The following CNTN5 variants were observed in gnomAD, a reference collection of about 807,000 sequenced individuals.
CNTN5 encodes contactin 5.
CNTN5 carries 77 observed loss-of-function variants against 129.1 expected under a neutral mutation model. That is an observed-to-expected ratio of 0.60 (90% confidence interval 0.50 to 0.72). The LOEUF (loss-of-function observed/expected upper bound fraction) is 0.72. Ranked by LOEUF, CNTN5 falls within the 30% of genes least tolerant of loss-of-function variation. The pLI, the probability that CNTN5 is intolerant of heterozygous loss-of-function variation, is 0.00. For synonymous variants in CNTN5, 509 were observed against 465.6 expected, an observed-to-expected ratio of 1.09 and a Z score of -1.20; for missense variants, 1,478 against 1,328.8, an observed-to-expected ratio of 1.11 and a Z score of -1.75.
chr11:99,961,206 G>GAAAAAAAAAAAAAAAAAAAAA (rs769692454), intron 8 of CNTN5, among the ~76,000 whole-genome samples: 1 of 95,720 alleles, frequency 1.0e-5, no homozygotes. Context: ...CTCCGTCTCA[G>GAAAAAAAAAAAAAAAAAAAAA]AAAAAAAAAA....
chr11:99,149,385 A>G (rs1859938680), intron 1 of CNTN5, among the ~76,000 whole-genome samples: 1 of 152,204 alleles, frequency 6.6e-6, no homozygotes. Flanking sequence ...ATTGAATAAT[A>G]TGAAAGAAAT....
At chr11:99,270,207 GA>G (rs1175996567) in intron 1 of CNTN5, among the ~76,000 whole-genome samples, 1 of 151,768 alleles carries the variant, frequency 6.6e-6, no homozygotes, top group African/African-American at 2.4e-5. Flanking sequence ...GTTATGCTTT[GA>G]AATGTGTTTA....
chr11:99,806,816 CAA>C (rs34469797), intron 3 of CNTN5, among the ~76,000 whole-genome samples: 23 of 128,750 alleles, frequency 1.8e-4, no homozygotes, highest in African/African-American at 2.6e-4. Flanking sequence ...CCACCCCCTG[CAA>C]AAAAAAAAAA....
intron 3 of CNTN5, among the ~76,000 whole-genome samples, chr11:99,801,467 A>G (rs1425137570): frequency 6.6e-6 from 1 of 152,066 alleles, no homozygotes; most frequent in African/African-American, 2.4e-5. Context: ...TTGTATGTGG[A>G]TGTCTACCTT....
chr11:99,281,302 A>G (rs1481007038), intron 1 of CNTN5, among the ~76,000 whole-genome samples: 1 of 151,986 alleles, frequency 6.6e-6, no homozygotes, highest in Non-Finnish European at 1.5e-5. Flanking sequence ...AGCCAGAATA[A>G]CAAAAAGAAA....
At chr11:99,238,024 A>G (rs1195416947) in intron 1 of CNTN5, among the ~76,000 whole-genome samples, 3 of 152,168 alleles carry the variant, frequency 2.0e-5, no homozygotes, top group Non-Finnish European at 4.4e-5. Flanking sequence ...CAAAGCTGCA[A>G]ATTCTTTGTA....
intron 4 of CNTN5, among the ~76,000 whole-genome samples, chr11:99,828,379 G>T (rs1008280743): frequency 3.9e-5 from 6 of 152,136 alleles, no homozygotes; most frequent in Non-Finnish European, 8.8e-5. Context: ...AGAGAAGTCT[G>T]ATACAAAGTG....
chr11:99,906,971 T>C (rs971666186), intron 6 of CNTN5, among the ~76,000 whole-genome samples: 1 of 152,152 alleles, frequency 6.6e-6, no homozygotes, highest in East Asian at 1.9e-4. Flanking sequence ...AGTGGTGATA[T>C]CCACTTTGCC....
chr11:99,977,793 A>G lies in CNTN5; in HGVS notation c.877+20784A>G, dbSNP rs576935170. 2.0e-5 allele frequency among the ~76,000 whole-genome samples: 3 copies of G among 152,356 alleles called. No homozygotes were observed. The South Asian group carries it at 6.2e-4, about 32-fold the overall frequency. ...TAAGATTTAGGTGGGGGCACAGAGC[A>G]AAACCTTATCACACATTGTCAAAGA... On this transcript the variant is annotated intron_variant, in intron 8 of 24. Transcript: ENST00000524871.
intron 1 of CNTN5, among the ~76,000 whole-genome samples, chr11:99,183,564 A>G (rs1858190695): frequency 6.6e-6 from 1 of 151,916 alleles, no homozygotes; most frequent in Non-Finnish European, 1.5e-5. Context: ...TGTTTCTCTT[A>G]TGTCTGGGTA....
At chr11:99,811,423 G>T (rs1447192479) in intron 3 of CNTN5, among the ~76,000 whole-genome samples, 1 of 148,990 alleles carries the variant, frequency 6.7e-6, no homozygotes, top group African/African-American at 2.5e-5. Context: ...TTTTAGTTCT[G>T]CATATTCTAA....
At chr11:100,133,682 G>A (rs146570081) in intron 13 of CNTN5, among the ~76,000 whole-genome samples, 3 of 152,082 alleles carry the variant, frequency 2.0e-5, no homozygotes, top group Middle Eastern at 3.4e-3. Context: ...TATTTATTGA[G>A]CTGCTCTCTG....
At chr11:99,092,354 T>C (rs73552143) in intron 1 of CNTN5, among the ~76,000 whole-genome samples, 1 of 152,100 alleles carries the variant, frequency 6.6e-6, no homozygotes, top group Admixed American at 6.5e-5. Flanking sequence ...GTATTCTGTG[T>C]ATCTCCTAAA....
At chr11:99,242,044 T>C (rs1262455288) in intron 1 of CNTN5, among the ~76,000 whole-genome samples, 1 of 152,166 alleles carries the variant, frequency 6.6e-6, no homozygotes, top group African/African-American at 2.4e-5. Context: ...AATTTAATTA[T>C]GATGGTAAAT....
intron 4 of CNTN5, 51 bp from the exon 5 acceptor site, chr11:99,844,801 A>G (rs200833769): frequency 1.3e-6 from 2 of 1,547,758 alleles, no homozygotes; most frequent in African/African-American, 2.8e-5. Context: ...AAAACACAAA[A>G]TATCTTGCTA....
intron 3 of CNTN5, among the ~76,000 whole-genome samples, chr11:99,719,714 G>A (rs1035123087): frequency 2.0e-5 from 3 of 151,814 alleles, no homozygotes; most frequent in South Asian, 2.1e-4. Flanking sequence ...GAAGGAAATC[G>A]AGACACAAAA....
chr11:99,486,044 TTTCTC>T (rs561863589), intron 2 of CNTN5, among the ~76,000 whole-genome samples: 1 of 152,032 alleles, frequency 6.6e-6, no homozygotes, highest in Non-Finnish European at 1.5e-5. Context: ...TTTTGCCTAT[TTTCTC>T]TTTCCCAGAG....
chr11:99,995,326 T>TA (rs5794033), intron 8 of CNTN5, among the ~76,000 whole-genome samples: 6,756 of 147,764 alleles, frequency 0.046, 271 homozygotes, highest in East Asian at 0.22. Context: ...GCCAAAAAAT[T>TA]AAAAAAAAAA....
At chr11:99,467,548 A>G (rs1438605320) in intron 2 of CNTN5, among the ~76,000 whole-genome samples, 1 of 152,016 alleles carries the variant, frequency 6.6e-6, no homozygotes, top group Non-Finnish European at 1.5e-5. Flanking sequence ...TCATCCTTCA[A>G]TTTTATTGAT....
Sources: allele counts gnomAD v4.1 joint callset (sites outside exome capture counted in the v4.1 genomes callset), GRCh38; gene constraint gnomAD v4.1.1; transcripts MANE v1.5; gene names NCBI Gene and HGNC (gene_info 2026-07-23, HGNC 2026-07-21).